The following ANKRD18A variants were observed in gnomAD, a reference collection of about 807,000 sequenced individuals.
ANKRD18A encodes the protein ankyrin repeat domain 18A, also known as ankyrin repeat domain-containing protein 18A.
A neutral mutation model predicts 110.6 loss-of-function variants in ANKRD18A; 72 were observed. The ratio of observed to expected loss-of-function variants is 0.65; its 90% CI spans 0.54 to 0.79. The LOEUF is 0.79. Ranked by LOEUF, ANKRD18A falls within the 30% of genes least tolerant of loss-of-function variation. The pLI is 0.00. For synonymous variants in ANKRD18A, 305 were observed against 410.3 expected, an observed-to-expected ratio of 0.74 and a Z score of 3.10; for missense variants, 934 against 1,163.3, an observed-to-expected ratio of 0.80 and a Z score of 2.87.
At chr9:38,596,619 TAC>T (rs145697360) in intron 8 of ANKRD18A, among the ~76,000 whole-genome samples, 2 of 151,844 alleles carry the variant, frequency 1.3e-5, no homozygotes, top group South Asian at 4.2e-4. Context: ...ATCCATAAAA[TAC>T]ACACACACAC....
chr9:38,587,605 T>C lies in ANKRD18A; in HGVS notation c.2117+946A>G, dbSNP rs1377182445. The stretch of plus-strand genomic sequence containing the variant: ...GCAGAAACAAAATACAAGCTATATA[T>C]CAAGATAAATTTTGATGTTAAAGAA... On this transcript the variant is annotated intron_variant, in intron 11 of 15. Coordinates refer to ENST00000399703, the MANE Select transcript of ANKRD18A (RefSeq NM_147195.4). 1.4e-4 allele frequency among the ~76,000 whole-genome samples: 21 copies of C among 152,214 alleles called. No individual in the cohort carries two copies. In the East Asian group the frequency reaches 3.7e-3, roughly 27 times the overall value.
rs1438987272 is a variant in ANKRD18A at position 38,611,245 on chromosome 9, G to A, written c.572C>T (p.Ala191Val). The A allele has an allele frequency of 6.5e-7, 1 of 1,527,396 alleles. No homozygotes were observed. Among genetic ancestry groups the A allele is most frequent in the Non-Finnish European group, 8.8e-7 (1 of 1,140,394 alleles). The allele number at this position is 1,527,396 out of a possible 1,614,324, so 94.6% of individuals were successfully genotyped here. Residue 191 changes from alanine to valine, a missense_variant, in exon 4 of 16, where the codon GCA becomes GTA. Ala to Val is a moderately conservative substitution (Grantham distance 64, BLOSUM62 0). Around this residue, in one of 4 missense-constraint regions of ANKRD18A, gnomAD observed 630 missense variants for 797.5 expected, o/e 0.79. Transcript: ENST00000399703. ...HMVEFLLKNQ[A>V]NIHAVDNFKR... Reference sequence around the variant, plus strand: ...GAAATTGTCAACGGCATGTATATTTGCCTGGTTCTTCAATAAAAATTCCAC... The same window carrying A: ...GAAATTGTCAACGGCATGTATATTTACCTGGTTCTTCAATAAAAATTCCAC...
At position 38,578,679 on chromosome 9, in the gene ANKRD18A, T is replaced by A. The variant is rs571817939; in HGVS notation, c.2248-531A>T. 9.6e-3 allele frequency among the ~76,000 whole-genome samples: 1,462 copies of A among 152,118 alleles called. 17 individuals are homozygous for A. The highest frequency in any genetic ancestry group is 0.024 in the Middle Eastern group (7 of 294). Reference sequence around the variant, plus strand: ...ATCACTGGAGGCCAGGAATTTGAGATCAGCCAGAGCAACATAGTGAGACCC... The same window carrying A: ...ATCACTGGAGGCCAGGAATTTGAGAACAGCCAGAGCAACATAGTGAGACCC... On this transcript the variant is annotated intron_variant, in intron 12 of 15. Coordinates refer to ENST00000399703, the MANE Select transcript of ANKRD18A (RefSeq NM_147195.4).
intron 5 of ANKRD18A, among the ~76,000 whole-genome samples, chr9:38,609,254 T>C (rs1209842906): frequency 6.6e-6 from 1 of 151,612 alleles, no homozygotes; most frequent in East Asian, 1.9e-4. Flanking sequence ...CCGAGGAGGG[T>C]GGATCACAAG....
rs2996348 is a variant in ANKRD18A, at chr9:38,596,807, G to C, written c.937-404C>G. On this transcript the variant is annotated intron_variant, in intron 8 of 15. Transcript: ENST00000399703. ...CACCCTATAGTAAGACCTTTACCTC[G>C]ACATCTATTTGGACAGATAAAATCT... Among the ~76,000 whole-genome samples the C allele has an allele frequency of 7.3e-3, 1,114 of 152,134 alleles. 13 individuals are homozygous for C. Among genetic ancestry groups the C allele is most frequent in the African/African-American group, 0.024 (1,016 of 41,526 alleles).
chr9:38,614,060 A>G (rs553085126), intron 3 of ANKRD18A, among the ~76,000 whole-genome samples: 1 of 152,302 alleles, frequency 6.6e-6, no homozygotes, highest in Non-Finnish European at 1.5e-5. Flanking sequence ...AAGACAGATA[A>G]GTCAGTTTAA....
Position 38,620,589 on chromosome 9 carries a change from G to T in ANKRD18A, c.-304C>A. On this transcript the variant is annotated 5_prime_UTR_variant, in exon 1 of 16. In the 5' UTR this introduces an upstream ATG that the reference lacks. Transcript: ENST00000399703. Reference sequence around the variant, plus strand: ...TGAACCTCAGCGCTCCGAACTCTCAGACCGAGTGAGTCCCCGCGATGCCAG... The same window carrying T: ...TGAACCTCAGCGCTCCGAACTCTCATACCGAGTGAGTCCCCGCGATGCCAG... The T allele has an allele frequency of 2.5e-6, 2 of 796,288 alleles. No homozygotes were observed. The highest frequency in any genetic ancestry group is 3.3e-6 in the Non-Finnish European group (2 of 600,566). The allele number at this position is 796,288 out of a possible 1,614,324, so 49.3% of individuals were successfully genotyped here. A position where few individuals can be genotyped will look rare whatever the true frequency, so the allele number is the denominator to read the frequency against.
rs267602243 is a variant in ANKRD18A, at chr9:38,586,280, A to G, written c.2150T>C (p.Met717Thr). ...YKKCLEMTIN[M>T]LNAFANEDFS... ...GTCCTCATTTGCAAATGCATTTAACATATTTATTGTCATTTCTAGGCATTT... is the reference window on the plus strand; with the variant it reads ...GTCCTCATTTGCAAATGCATTTAACGTATTTATTGTCATTTCTAGGCATTT... The change falls in exon 12 of 16, where the codon ATG (methionine) becomes ACG (threonine). Residue 717 changes from methionine to threonine, a missense_variant. This residue lies in a region of ANKRD18A where 79 missense variants were observed against 122.8 expected (regional missense o/e 0.64). Coordinates refer to ENST00000399703, the MANE Select transcript of ANKRD18A (RefSeq NM_147195.4). The G allele has an allele frequency of 1.1e-5, 17 of 1,600,504 alleles. No homozygotes were observed. In the African/African-American group the frequency reaches 2.1e-4, roughly 20 times the overall value.
In ANKRD18A at chr9:38,614,359, G is replaced by T. The variant is rs371874334; in HGVS notation, c.495+1235C>A. On this transcript the variant is annotated intron_variant, in intron 3 of 15. Coordinates refer to ENST00000399703, the MANE Select transcript of ANKRD18A (RefSeq NM_147195.4). ...TGACCTCGTGATCTGCCCGCCTCAG[G>T]CTGGACTTAAACTCCTAGGCTCAAG... Among the ~76,000 whole-genome samples the T allele has an allele frequency of 9.5e-3, 1,442 of 151,524 alleles. 20 individuals carry two copies. The highest frequency in any genetic ancestry group is 0.033 in the African/African-American group (1,338 of 41,114).
At chr9:38,615,861 C>T (rs1825831418) in intron 2 of ANKRD18A, 69 bp downstream of exon 2, 3 of 1,521,334 alleles carry the variant, frequency 2.0e-6, no homozygotes, top group African/African-American at 1.4e-5. Flanking sequence ...TTAAATGAGA[C>T]AAATTCATTT....
At chr9:38,597,307 G>C (rs1295873337) in intron 8 of ANKRD18A, among the ~76,000 whole-genome samples, 10 of 152,030 alleles carry the variant, frequency 6.6e-5, no homozygotes, top group Non-Finnish European at 1.5e-5. Context: ...TGGTTCCTGG[G>C]ATATCAAAAA....
chr9:38,613,959 A>T (rs1825746359), intron 3 of ANKRD18A, among the ~76,000 whole-genome samples: 1 of 152,232 alleles, frequency 6.6e-6, no homozygotes, highest in Non-Finnish European at 1.5e-5. Context: ...GCAGTGAGTG[A>T]TTCATGGTGG....
chr9:38,573,139 G>A (rs1823725937), intron 15 of ANKRD18A: 2 of 1,220,578 alleles, frequency 1.6e-6, no homozygotes, highest in African/African-American at 3.1e-5. Context: ...TCTAAAATAA[G>A]TAAATAATAA....
chr9:38,602,380 G>C (rs1825155083), intron 7 of ANKRD18A, among the ~76,000 whole-genome samples: 1 of 152,098 alleles, frequency 6.6e-6, no homozygotes, highest in Non-Finnish European at 1.5e-5. Context: ...AGGAAAGATA[G>C]CACATGCCAG....
At chr9:38,579,535 G>GA (rs1181250130) in intron 12 of ANKRD18A, among the ~76,000 whole-genome samples, 3 of 151,276 alleles carry the variant, frequency 2.0e-5, no homozygotes, top group Admixed American at 6.6e-5. Flanking sequence ...TTTTTTAAGA[G>GA]AAAAAAAAGA....
chr9:38,591,852 T>C (rs1824663316), intron 10 of ANKRD18A, among the ~76,000 whole-genome samples: 1 of 152,198 alleles, frequency 6.6e-6, no homozygotes, highest in Non-Finnish European at 1.5e-5. Flanking sequence ...GCCACGGAGC[T>C]GAAAACCCTG....
At chr9:38,592,239 T>C (rs577582523) in intron 10 of ANKRD18A, among the ~76,000 whole-genome samples, 2 of 152,010 alleles carry the variant, frequency 1.3e-5, no homozygotes, top group East Asian at 1.9e-4. Flanking sequence ...TTTTGTTCTA[T>C]GCTGAAAGCT....
intron 6 of ANKRD18A, among the ~76,000 whole-genome samples, chr9:38,606,446 T>C (rs1825362233): frequency 6.6e-6 from 1 of 152,246 alleles, no homozygotes; most frequent in South Asian, 2.1e-4. Flanking sequence ...TTTGCTTATG[T>C]TTATGAACAG....
At chr9:38,567,654 C>T (rs1823514935), downstream of ANKRD18A, 1 of 152,308 alleles carries the variant, frequency 6.6e-6, no homozygotes, top group Non-Finnish European at 1.5e-5. Context: ...GGATGATGAC[C>T]TGGTGTCCCA....
Sources: gnomAD v4.1 joint callset for allele counts (sites outside exome capture counted in the v4.1 genomes callset) on GRCh38, gnomAD v4.1.1 for gene constraint, gnomAD v4.1.1 regional missense constraint, MANE v1.5 for transcripts, NCBI Gene and HGNC (gene_info 2026-07-23, HGNC 2026-07-21) for gene names.